ATF7IP2: variants seen among roughly 807,000 people sequenced by gnomAD.
ATF7IP2 encodes activating transcription factor 7-interacting protein 2.
A neutral mutation model predicts 64.2 loss-of-function variants in ATF7IP2; 42 were observed. The ratio of observed to expected loss-of-function variants is 0.65; its 90% CI spans 0.51 to 0.85. The LOEUF (loss-of-function observed/expected upper bound fraction) is 0.85. Among genes scored for constraint, ATF7IP2 ranks in the 40% least tolerant of loss-of-function variants. ATF7IP2 has a pLI of 0.00. For synonymous variants in ATF7IP2, 308 were observed against 272.8 expected (o/e 1.13, Z -1.27); for missense variants, 933 against 784.2 (o/e 1.19, Z -2.27).
In ATF7IP2 at chr16:10,457,519, G is replaced by A. The variant is rs370114952; in HGVS notation, c.1342G>A (p.Val448Ile). ...TTTGTCATCAGATCAAAATAAGTCT[G>A]TTTCTGAAAGGTAGGTGTTTCTGCA... ...INLSSDQNKS[V>I]SESNNDDVML... The change falls in exon 9 of 14, where the codon GTT becomes ATT. Residue 448 changes from valine to isoleucine, a missense_variant. Coordinates refer to ENST00000562102, the MANE Select transcript of ATF7IP2 (RefSeq NM_001393719.1). The A allele has an allele frequency of 1.1e-4, 165 of 1,564,606 alleles. No individual in the cohort carries two copies. Among genetic ancestry groups the A allele is most frequent in the Non-Finnish European group, 1.3e-4 (150 of 1,161,628 alleles).
At chr16:10,437,098 T>G (rs2048446106) in intron 6 of ATF7IP2, among the ~76,000 whole-genome samples, 1 of 150,222 alleles carries the variant, frequency 6.7e-6, no homozygotes, top group African/African-American at 2.5e-5. Flanking sequence ...CTCGGCTCAC[T>G]GCAACCTCCA....
At chr16:10,452,337 A>C (rs905666086) in intron 8 of ATF7IP2, among the ~76,000 whole-genome samples, 2 of 152,036 alleles carry the variant, frequency 1.3e-5, no homozygotes, top group African/African-American at 4.8e-5. Context: ...TGTTGATGCT[A>C]TTCCTTTCTG....
chr16:10,391,683 A>C (rs1331557791), intron 1 of ATF7IP2, among the ~76,000 whole-genome samples: 1 of 152,142 alleles, frequency 6.6e-6, no homozygotes, highest in East Asian at 1.9e-4. Flanking sequence ...GGATTACCTG[A>C]GGTCAGGAGT....
At chr16:10,473,592 C>T (rs1357550219) in intron 11 of ATF7IP2, 58 bp downstream of exon 11, 2 of 1,243,238 alleles carry the variant, frequency 1.6e-6, no homozygotes, top group Non-Finnish European at 2.3e-6. Context: ...GTTCAAGGAA[C>T]TTTAGTGTTT....
At position 10,433,518 on chromosome 16, in the gene ATF7IP2, C is replaced by T; in HGVS notation, c.836-7C>T. Reference sequence around the variant, plus strand: ...ATCTTTCTTTCTAATCTTTTGATCTCCTCAAGGCCATTATCAAAAGAAGAG... The same window carrying T: ...ATCTTTCTTTCTAATCTTTTGATCTTCTCAAGGCCATTATCAAAAGAAGAG... On this transcript the variant is annotated splice_polypyrimidine_tract_variant and splice_region_variant and intron_variant, in intron 5 of 13. Transcript: ENST00000562102. 1 of 1,610,838 alleles carries T rather than the reference C, an allele frequency of 6.2e-7. No individual in the cohort carries two copies. The highest frequency in any genetic ancestry group is 8.5e-7 in the Non-Finnish European group (1 of 1,177,842).
intron 1 of ATF7IP2, among the ~76,000 whole-genome samples, chr16:10,402,899 C>A (rs2141777968): frequency 1.1e-5 from 1 of 88,208 alleles, no homozygotes; most frequent in African/African-American, 6.2e-5. Flanking sequence ...CACAGCGAGA[C>A]CCTTTCTCAA....
At chr16:10,386,494 A>C (rs1054272688) in intron 1 of ATF7IP2, 4 of 152,214 alleles carry the variant, frequency 2.6e-5, no homozygotes, top group Non-Finnish European at 5.9e-5. Context: ...TTCAGAAATT[A>C]ACGGATAAAT....
intron 1 of ATF7IP2, among the ~76,000 whole-genome samples, chr16:10,403,598 T>C (rs1435047103): frequency 1.3e-5 from 2 of 152,170 alleles, no homozygotes; most frequent in Non-Finnish European, 2.9e-5. Flanking sequence ...TAGGAATTCC[T>C]TAGCAACAGA....
At chr16:10,460,971 A>G (rs2049355187) in intron 9 of ATF7IP2, among the ~76,000 whole-genome samples, 2 of 152,190 alleles carry the variant, frequency 1.3e-5, no homozygotes, top group South Asian at 4.1e-4. Flanking sequence ...CAGAATATAT[A>G]TAAAGAACTT....
In ATF7IP2 at chr16:10,472,203, A is replaced by T. The variant is rs768082632; in HGVS notation, c.1426+20A>T. 1.5e-6 allele frequency: 2 copies of T among 1,335,614 alleles called. No individual in the cohort carries two copies. The allele number at this position is 1,335,614 out of a possible 1,614,324, so 82.7% of individuals were successfully genotyped here. A position where few individuals can be genotyped will look rare whatever the true frequency, so the allele number is the denominator to read the frequency against. ...CAACAGGTATCTTATAGCTGATTAG[A>T]ATATGATCTATCAAGTTAGAAGGCC... On this transcript the variant is annotated intron_variant, in intron 10 of 13. Coordinates refer to ENST00000562102, the MANE Select transcript of ATF7IP2 (RefSeq NM_001393719.1).
intron 5 of ATF7IP2, among the ~76,000 whole-genome samples, chr16:10,431,661 G>A (rs1034971445): frequency 2.0e-5 from 3 of 152,050 alleles, no homozygotes; most frequent in African/African-American, 7.2e-5. Context: ...TGCAAAGAAG[G>A]AATCAATCAC....
At chr16:10,427,054 C>G (rs2048100153) in intron 3 of ATF7IP2, among the ~76,000 whole-genome samples, 1 of 152,120 alleles carries the variant, frequency 6.6e-6, no homozygotes, top group African/African-American at 2.4e-5. Context: ...GGGTTTCACC[C>G]TTTTGGCCAG....
chr16:10,422,253 C>T (rs892441769), intron 3 of ATF7IP2, among the ~76,000 whole-genome samples: 1 of 152,188 alleles, frequency 6.6e-6, no homozygotes, highest in African/African-American at 2.4e-5. Flanking sequence ...GTTCTGGAGG[C>T]TTAACAATGG....
At position 10,433,668 on chromosome 16, in the gene ATF7IP2, A is replaced by C. The variant is rs774257467; in HGVS notation, c.960+19A>C. 1.2e-6 allele frequency: 2 copies of C among 1,610,844 alleles called. No individual in the cohort carries two copies. Among genetic ancestry groups the C allele is most frequent in the South Asian group, 2.2e-5 (2 of 90,812 alleles). On this transcript the variant is annotated intron_variant, in intron 6 of 13. Coordinates refer to ENST00000562102, the MANE Select transcript of ATF7IP2 (RefSeq NM_001393719.1). Reference sequence around the variant, plus strand: ...GGAACAGGTAAAATATTGGGGCTTAAATGGAACTTTTACTTTTGATTAGTA... The same window carrying C: ...GGAACAGGTAAAATATTGGGGCTTACATGGAACTTTTACTTTTGATTAGTA...
intron 1 of ATF7IP2, among the ~76,000 whole-genome samples, chr16:10,396,131 CTG>C (rs1156760754): frequency 6.6e-6 from 1 of 152,060 alleles, no homozygotes; most frequent in African/African-American, 2.4e-5. Flanking sequence ...GAATCCAAAA[CTG>C]AGATTGAGGA....
intron 1 of ATF7IP2, among the ~76,000 whole-genome samples, chr16:10,407,695 A>C (rs1257151968): frequency 1.3e-5 from 2 of 152,168 alleles, no homozygotes; most frequent in African/African-American, 2.4e-5. Flanking sequence ...ACTCGGTTAC[A>C]TAAGTTCTTT....
chr16:10,460,353 T>A (rs377506300), intron 9 of ATF7IP2, among the ~76,000 whole-genome samples: 1 of 152,222 alleles, frequency 6.6e-6, no homozygotes, highest in South Asian at 2.1e-4. Context: ...TCTCAGTGTG[T>A]AATTTTATAG....
At chr16:10,476,056 A>C (rs898274768) in intron 12 of ATF7IP2, among the ~76,000 whole-genome samples, 4 of 152,356 alleles carry the variant, frequency 2.6e-5, no homozygotes, top group Non-Finnish European at 4.4e-5. Context: ...ATTTACAAGA[A>C]ATTATATTTG....
At position 10,430,894 on chromosome 16, in the gene ATF7IP2, T is replaced by C; in HGVS notation, c.274T>C (p.Ser92Pro). Residue 92 changes from serine to proline, a missense_variant, in exon 5 of 14, where the codon TCT (serine) becomes CCT (proline). Physicochemically the swap from Ser to Pro is moderately conservative, Grantham distance 74 (BLOSUM62 -1). Coordinates refer to ENST00000562102, the MANE Select transcript of ATF7IP2 (RefSeq NM_001393719.1). ...AATATCAGAGAAAAGTAAAGTATTC[T>C]CTCAGAATTGCATAAAACCAGTAGA... ...NSISEKSKVF[S>P]QNCIKPVEEI... 6.2e-7 allele frequency: 1 copy of C among 1,613,928 alleles called. No individual in the cohort carries two copies.
Sources: gnomAD v4.1 joint callset for allele counts (sites outside exome capture counted in the v4.1 genomes callset) on GRCh38, gnomAD v4.1.1 for gene constraint, MANE v1.5 for transcripts, NCBI Gene and HGNC (gene_info 2026-07-23, HGNC 2026-07-21) for gene names.